DSCAM: variants seen among roughly 807,000 people sequenced by gnomAD.
DSCAM encodes the protein DS cell adhesion molecule.
In DSCAM, 47 loss-of-function variants were observed where a neutral mutation model predicts 217.7. That is an observed-to-expected ratio of 0.22 (90% confidence interval 0.17 to 0.28). The LOEUF is 0.28. Ranked by LOEUF, DSCAM falls within the 10% of genes least tolerant of loss-of-function variation. The pLI is 1.00. For missense variants in DSCAM, 2,080 were observed against 2,618.3 expected, an observed-to-expected ratio of 0.79 and a Z score of 4.49; for synonymous variants, 1,056 against 1,015.3, an observed-to-expected ratio of 1.04 and a Z score of -0.76.
At position 40,448,801 on chromosome 21, in the gene DSCAM, G is replaced by A. The variant is rs188498877; in HGVS notation, c.509-79556C>T. On this transcript the variant is annotated intron_variant, in intron 3 of 32. Transcript: ENST00000400454. ...ATTATGAGAGTTTTGTCTCTGGATG[G>A]AGGGTGAAAAGGCTAAATCTTGTTC... is the stretch of plus-strand genomic sequence containing the variant. 5.8e-4 allele frequency among the ~76,000 whole-genome samples: 88 copies of A among 152,192 alleles called. 1 individual carries two copies. The highest frequency in any genetic ancestry group is 2.0e-3 in the African/African-American group (85 of 41,524).
chr21:40,376,694 T>TATATC (rs2074966895), intron 3 of DSCAM, among the ~76,000 whole-genome samples: 4 of 104,956 alleles, frequency 3.8e-5, no homozygotes, highest in African/African-American at 1.5e-4. Flanking sequence ...ATATATATCA[T>TATATC]ATATATCTTA....
chr21:40,156,467 G>C (rs991357948), intron 16 of DSCAM, among the ~76,000 whole-genome samples: 8 of 152,194 alleles, frequency 5.3e-5, no homozygotes, highest in Non-Finnish European at 1.0e-4. Context: ...CCTGCCCACT[G>C]AAAGGTGAGC....
chr21:40,417,327 C>T (rs1394383274), intron 3 of DSCAM, among the ~76,000 whole-genome samples: 1 of 152,012 alleles, frequency 6.6e-6, no homozygotes, highest in Admixed American at 6.5e-5. Flanking sequence ...GTGTGCTGCA[C>T]CCATTAACTC....
intron 3 of DSCAM, among the ~76,000 whole-genome samples, chr21:40,547,219 G>A (rs1242760996): frequency 6.6e-6 from 1 of 152,076 alleles, no homozygotes; most frequent in South Asian, 2.1e-4. Context: ...AACCTTTCTA[G>A]AATCCATTTT....
chr21:40,354,654 C>T (rs1052806761), intron 4 of DSCAM, among the ~76,000 whole-genome samples: 3 of 151,948 alleles, frequency 2.0e-5, no homozygotes, highest in African/African-American at 7.2e-5. Flanking sequence ...TCGAGACCAT[C>T]CCGGCTAACA....
At chr21:40,816,578 A>G (rs2091883588) in intron 1 of DSCAM, among the ~76,000 whole-genome samples, 1 of 152,184 alleles carries the variant, frequency 6.6e-6, no homozygotes, top group Admixed American at 6.5e-5. Flanking sequence ...CTCTGTCTCA[A>G]TAAAAACAAC....
intron 32 of DSCAM, among the ~76,000 whole-genome samples, chr21:40,041,376 T>C (rs1330288838): frequency 6.6e-6 from 1 of 152,198 alleles, no homozygotes; most frequent in African/African-American, 2.4e-5. Context: ...CACCTAAAGA[T>C]GGGTTTTATT....
intron 1 of DSCAM, among the ~76,000 whole-genome samples, chr21:40,730,442 C>T (rs192285820): frequency 3.7e-4 from 56 of 152,258 alleles, no homozygotes; most frequent in African/African-American, 7.5e-4. Context: ...TAAATTAAAC[C>T]GACCCAGGAT....
intron 2 of DSCAM, 141 bp downstream of exon 2, chr21:40,708,313 A>G: frequency 1.6e-6 from 1 of 613,016 alleles, no homozygotes; most frequent in Non-Finnish European, 2.5e-6. Flanking sequence ...GACCTTAAAG[A>G]AGTCATCAGC....
At chr21:40,111,083 T>G (rs2089893419) in intron 20 of DSCAM, among the ~76,000 whole-genome samples, 1 of 152,088 alleles carries the variant, frequency 6.6e-6, no homozygotes, top group South Asian at 2.1e-4. Flanking sequence ...AGATACTCCT[T>G]GAGAAGAGCA....
chr21:40,646,783 A>G (rs1030956932), intron 3 of DSCAM, among the ~76,000 whole-genome samples: 4 of 152,140 alleles, frequency 2.6e-5, no homozygotes, highest in Non-Finnish European at 5.9e-5. Flanking sequence ...TCTTGTTTCC[A>G]ATCTCTTCCA....
chr21:40,745,698 A>G (rs1197892957), intron 1 of DSCAM, among the ~76,000 whole-genome samples: 1 of 152,180 alleles, frequency 6.6e-6, no homozygotes, highest in Non-Finnish European at 1.5e-5. Flanking sequence ...AATTTGTAAC[A>G]AGAAAAGATC....
intron 20 of DSCAM, among the ~76,000 whole-genome samples, chr21:40,108,851 C>T (rs1041164701): frequency 1.3e-5 from 2 of 152,122 alleles, no homozygotes; most frequent in African/African-American, 4.8e-5. Context: ...GACTGCACAT[C>T]TACAACTATC....
rs184982288 is a variant in DSCAM at position 40,748,763 on chromosome 21, C to T, written c.44-39992G>A. ...AAATTCATATGGAAATGCAAAAGAT[C>T]CTGGAGAGCTAAAGGAATCTTCAGC... On this transcript the variant is annotated intron_variant, in intron 1 of 32. Transcript: ENST00000400454. Among the ~76,000 whole-genome samples, 226 of 152,110 alleles carry T rather than the reference C, an allele frequency of 1.5e-3. No individual in the cohort carries two copies. The Middle Eastern group carries it at 0.031, about 21-fold the overall frequency.
chr21:40,295,486 AG>A (rs1288600847), intron 10 of DSCAM, among the ~76,000 whole-genome samples: 4 of 152,152 alleles, frequency 2.6e-5, no homozygotes, highest in Non-Finnish European at 5.9e-5. Flanking sequence ...AAACATGATT[AG>A]GGGTGCAAGC....
At chr21:40,317,131 T>C (rs2074206120) in intron 8 of DSCAM, among the ~76,000 whole-genome samples, 1 of 152,222 alleles carries the variant, frequency 6.6e-6, no homozygotes, top group Admixed American at 6.5e-5. Flanking sequence ...TACTGTCCAG[T>C]TCAGTGCAAG....
intron 1 of DSCAM, among the ~76,000 whole-genome samples, chr21:40,739,954 ATTTTTTTTTTT>A (rs56815777): frequency 8.0e-4 from 47 of 58,978 alleles, no homozygotes; most frequent in African/African-American, 1.7e-3. Flanking sequence ...TGCAGGTGTA[ATTTTTTTTTTT>A]TTTTTTTTTT....
At chr21:40,719,816 G>C (rs2090882370) in intron 1 of DSCAM, among the ~76,000 whole-genome samples, 1 of 152,184 alleles carries the variant, frequency 6.6e-6, no homozygotes, top group Non-Finnish European at 1.5e-5. Context: ...AGAATGGAAA[G>C]GGCCATGAGG....
intron 2 of DSCAM, 57 bp downstream of exon 2, chr21:40,708,397 C>A: frequency 7.4e-7 from 1 of 1,351,030 alleles, no homozygotes; most frequent in South Asian, 2.2e-5. Context: ...GTGTCATTGT[C>A]ATTATCCTCC....
Sources: allele counts gnomAD v4.1 joint callset (sites outside exome capture counted in the v4.1 genomes callset), GRCh38; gene constraint gnomAD v4.1.1; transcripts MANE v1.5; gene names NCBI Gene and HGNC (gene_info 2026-07-23, HGNC 2026-07-21).